The following NALF1 variants were observed in gnomAD, a reference collection of about 807,000 sequenced individuals.
NALF1 encodes the protein NALCN channel auxiliary factor 1.
NALF1 carries 3 observed loss-of-function variants against 48.4 expected under a neutral mutation model. The ratio of observed to expected loss-of-function variants is 0.06; its 90% CI spans 0.03 to 0.16. The LOEUF (loss-of-function observed/expected upper bound fraction) is 0.16, where lower values mean the gene tolerates loss of function less well. Ranked by LOEUF, NALF1 falls within the 10% of genes least tolerant of loss-of-function variation. The pLI, the probability that NALF1 is intolerant of heterozygous loss-of-function variation, is 1.00. For synonymous variants in NALF1, 262 were observed against 245.7 expected (o/e 1.07, Z -0.62); for missense variants, 526 against 571.5 (o/e 0.92, Z 0.81).
At chr13:107,646,947 T>C (rs978203152) in intron 1 of NALF1, among the ~76,000 whole-genome samples, 4 of 152,060 alleles carry the variant, frequency 2.6e-5, no homozygotes, top group Non-Finnish European at 5.9e-5. Flanking sequence ...ACATCAAAAA[T>C]TAAAATGCAC....
chr13:107,628,129 C>T (rs1187800427), intron 1 of NALF1, among the ~76,000 whole-genome samples: 1 of 152,042 alleles, frequency 6.6e-6, no homozygotes, highest in Non-Finnish European at 1.5e-5. Flanking sequence ...AGTTACCACA[C>T]GTGCAATGTT....
At chr13:107,766,313 C>T (rs1230536657) in intron 1 of NALF1, among the ~76,000 whole-genome samples, 2 of 152,096 alleles carry the variant, frequency 1.3e-5, no homozygotes, top group East Asian at 1.9e-4. Context: ...TTAGCAGCTG[C>T]GTGAGAAATG....
At chr13:107,527,680 G>A (rs958531577) in intron 1 of NALF1, among the ~76,000 whole-genome samples, 3 of 152,066 alleles carry the variant, frequency 2.0e-5, no homozygotes, top group African/African-American at 2.4e-5. Flanking sequence ...AATCATGGGG[G>A]TGGTTTCTCC....
At position 107,715,253 on chromosome 13, in the gene NALF1, A is replaced by T. The variant is rs1875717007; in HGVS notation, c.915+150429T>A. 2.7e-5 allele frequency among the ~76,000 whole-genome samples: 4 copies of T among 150,632 alleles called. No individual in the cohort carries two copies. The Admixed American group carries it at 2.7e-4, about 10-fold the overall frequency. On this transcript the variant is annotated intron_variant, in intron 1 of 2. Coordinates refer to ENST00000375915, the MANE Select transcript of NALF1 (RefSeq NM_001080396.3). The stretch of plus-strand genomic sequence containing the variant: ...GTTTCACGCTTGTTGCCCAGGCTGG[A>T]GTGCAGTGGCATGATCTCAGCTCAC...
intron 1 of NALF1, among the ~76,000 whole-genome samples, chr13:107,384,713 G>A (rs888548424): frequency 9.2e-5 from 14 of 152,052 alleles, no homozygotes; most frequent in African/African-American, 1.9e-4. Context: ...CACTTTGAGC[G>A]TAAGTGTATT....
chr13:107,402,837 C>G (rs1028632622), intron 1 of NALF1, among the ~76,000 whole-genome samples: 1 of 152,108 alleles, frequency 6.6e-6, no homozygotes, highest in African/African-American at 2.4e-5. Context: ...AACAGGGTGT[C>G]TGAAATTACC....
intron 1 of NALF1, among the ~76,000 whole-genome samples, chr13:107,358,310 G>A (rs1014640148): frequency 1.3e-5 from 2 of 152,096 alleles, no homozygotes; most frequent in Non-Finnish European, 2.9e-5. Context: ...CAACCTCTCT[G>A]AGCCTTAGGC....
intron 1 of NALF1, 137 bp from the exon 2 acceptor site, chr13:107,210,892 CACA>C (rs1467300309): frequency 3.3e-6 from 2 of 608,252 alleles, no homozygotes; most frequent in South Asian, 4.3e-5. Context: ...AGCGTATTTA[CACA>C]ACGACAGCTG....
rs547647710 is a variant in NALF1, at chr13:107,362,394, G to A, written c.916-151639C>T. 3.5e-4 allele frequency among the ~76,000 whole-genome samples: 53 copies of A among 152,302 alleles called. No homozygotes were observed. The highest frequency in any genetic ancestry group is 1.2e-3 in the African/African-American group (51 of 41,558). Reference sequence around the variant, plus strand: ...GTGGTGTCAGGACCATGCTTCCTCTGAAACCTGTAGAGTAGCATCTTCGCT... The same window carrying A: ...GTGGTGTCAGGACCATGCTTCCTCTAAAACCTGTAGAGTAGCATCTTCGCT... On this transcript the variant is annotated intron_variant, in intron 1 of 2. Transcript: ENST00000375915. This position sits in a 1 kb window ranked among gnomAD's most constrained non-coding sequence, Gnocchi z 4.6.
At chr13:107,190,308 T>A (rs940069340) in intron 2 of NALF1, among the ~76,000 whole-genome samples, 2 of 152,238 alleles carry the variant, frequency 1.3e-5, no homozygotes, top group East Asian at 3.9e-4. Flanking sequence ...CTTTTCTTTG[T>A]AAAAAGAAAA....
At chr13:107,355,459 A>T (rs913949671) in intron 1 of NALF1, among the ~76,000 whole-genome samples, 1 of 152,138 alleles carries the variant, frequency 6.6e-6, no homozygotes, top group Non-Finnish European at 1.5e-5. Flanking sequence ...TCCAAAGAAG[A>T]TGCCTGTTGA....
At chr13:107,690,201 C>G (rs776966313) in intron 1 of NALF1, among the ~76,000 whole-genome samples, 4 of 152,306 alleles carry the variant, frequency 2.6e-5, no homozygotes, top group Admixed American at 1.3e-4. Flanking sequence ...TTATCCAGTT[C>G]TGCTGTGCTC....
At chr13:107,644,344 G>T (rs565695391) in intron 1 of NALF1, among the ~76,000 whole-genome samples, 1 of 150,838 alleles carries the variant, frequency 6.6e-6, no homozygotes, top group African/African-American at 2.4e-5. Flanking sequence ...AGAAACATAC[G>T]TCTATTACTT....
intron 1 of NALF1, among the ~76,000 whole-genome samples, chr13:107,459,653 A>G (rs1005908463): frequency 1.3e-5 from 2 of 152,220 alleles, no homozygotes; most frequent in South Asian, 4.1e-4. Flanking sequence ...CCTGAAGCAG[A>G]GCTTACGTCT....
At chr13:107,194,032 CTATCT>C (rs1246794286) in intron 2 of NALF1, among the ~76,000 whole-genome samples, 1 of 144,574 alleles carries the variant, frequency 6.9e-6, no homozygotes, top group East Asian at 2.0e-4. Context: ...ATCTATCTAT[CTATCT>C]ATCTATCTAT....
chr13:107,449,136 C>T (rs547132716), intron 1 of NALF1, among the ~76,000 whole-genome samples: 21 of 152,162 alleles, frequency 1.4e-4, no homozygotes, highest in Admixed American at 5.2e-4. Flanking sequence ...CCCAGCTACG[C>T]GGAAGGATGA....
In NALF1 at chr13:107,866,751, C is replaced by T; in HGVS notation, c.-155G>A. The T allele has an allele frequency of 1.6e-6, 1 of 616,800 alleles. No homozygotes were observed. The highest frequency in any genetic ancestry group is 3.0e-5 in the Admixed American group (1 of 33,746). 38.2% of individuals were successfully genotyped at this position (616,800 alleles called of 1,614,324 possible). ...TCTTTCTCTCTCTTCCCCTCTCCCT[C>T]TCTCCTCTCTCTCTCTCTCCCTCTC... On this transcript the variant is annotated 5_prime_UTR_variant, in exon 1 of 3. Transcript: ENST00000375915. The surrounding 1 kb of genome is among the most constrained non-coding windows in gnomAD (Gnocchi z 4.4).
At chr13:107,476,099 A>C (rs1227782395) in intron 1 of NALF1, among the ~76,000 whole-genome samples, 2 of 152,188 alleles carry the variant, frequency 1.3e-5, no homozygotes, top group Non-Finnish European at 2.9e-5. Context: ...ATCTTGAAAA[A>C]ATAGATATTT....
chr13:107,276,204 C>T (rs917517728), intron 1 of NALF1, among the ~76,000 whole-genome samples: 4 of 152,172 alleles, frequency 2.6e-5, no homozygotes, highest in Non-Finnish European at 5.9e-5. Context: ...ATCAATACCA[C>T]AAGGCAGGAA....
Sources: allele counts gnomAD v4.1 joint callset (sites outside exome capture counted in the v4.1 genomes callset), GRCh38; gene constraint gnomAD v4.1.1; non-coding constraint Gnocchi (gnomAD v3.1); transcripts MANE v1.5; gene names NCBI Gene and HGNC (gene_info 2026-07-23, HGNC 2026-07-21).